The following UBP1 variants were observed in gnomAD, a reference collection of about 807,000 sequenced individuals.
The protein encoded by UBP1 is upstream-binding protein 1.
Under a neutral mutation model 76.1 loss-of-function variants are expected in UBP1, and 22 were observed. The observed-to-expected ratio is 0.29, with a 90% confidence interval of 0.21 to 0.41. UBP1 has a LOEUF of 0.41. Ranked by LOEUF, UBP1 falls within the 10% of genes least tolerant of loss-of-function variation. The probability of loss-of-function intolerance (pLI) is 1.00; values close to 1 mark genes in which losing one functional copy is unlikely to be tolerated. For synonymous variants in UBP1, 224 were observed against 237.1 expected, an observed-to-expected ratio of 0.94 and a Z score of 0.51; for missense variants, 436 against 668.1, an observed-to-expected ratio of 0.65 and a Z score of 3.83.
chr3:33,395,175 A>G (rs1339972663), intron 13 of UBP1, among the ~76,000 whole-genome samples: 1 of 152,228 alleles, frequency 6.6e-6, no homozygotes, highest in Non-Finnish European at 1.5e-5. Flanking sequence ...CTCAAAATTC[A>G]GAGCTTTTGA....
At chr3:33,423,602 T>C (rs1183975586) in intron 2 of UBP1, among the ~76,000 whole-genome samples, 1 of 152,152 alleles carries the variant, frequency 6.6e-6, no homozygotes, top group Admixed American at 6.5e-5. Flanking sequence ...CTGGAAAAGA[T>C]GGAAATAGGT....
chr3:33,425,996 AATATATAT>A (rs60739079), intron 1 of UBP1, among the ~76,000 whole-genome samples: 1,935 of 54,972 alleles, frequency 0.035, 40 homozygotes, highest in African/African-American at 0.081. Flanking sequence ...GGCAGCTCTG[AATATATAT>A]ATATATATAT....
chr3:33,440,639 T>C (rs1010652882), upstream of UBP1: 1 of 152,318 alleles, frequency 6.6e-6, no homozygotes, highest in Non-Finnish European at 1.5e-5. Flanking sequence ...CCGCCCCTTC[T>C]AGCGAGCGAG....
intron 1 of UBP1, among the ~76,000 whole-genome samples, chr3:33,431,888 G>A (rs1207624212): frequency 6.6e-6 from 1 of 152,098 alleles, no homozygotes; most frequent in East Asian, 1.9e-4. Context: ...GGAAATGGAT[G>A]AGAATGTTAT....
chr3:33,426,074 C>A (rs2045013251), intron 1 of UBP1, among the ~76,000 whole-genome samples: 1 of 131,104 alleles, frequency 7.6e-6, no homozygotes. Context: ...CTTTAAGGTC[C>A]AGATTCTTTC....
At chr3:33,410,653 T>C (rs1307988592) in intron 5 of UBP1, among the ~76,000 whole-genome samples, 3 of 152,224 alleles carry the variant, frequency 2.0e-5, no homozygotes, top group South Asian at 2.1e-4. Context: ...AATTTGAACA[T>C]TGTGGGTATT....
Position 33,396,257 on chromosome 3 carries a change from A to G in UBP1, c.1295T>C (p.Ile432Thr). ...GCTTGGCTGCTCCCGGCAGACATAG[A>G]TGGTTAAACGGGGTCTAACCGACCT... ...KSRSVRPRLT[I>T]YVCREQPSST... The change falls in exon 13 of 16, where the codon ATC becomes ACC. Residue 432 changes from isoleucine (I) to threonine (T), a missense_variant. This residue lies in a region of UBP1 where 210 missense variants were observed against 272.8 expected (regional missense o/e 0.77). Coordinates refer to ENST00000283629, the MANE Select transcript of UBP1 (RefSeq NM_014517.5). The G allele has an allele frequency of 6.3e-7, 1 of 1,586,296 alleles. No individual in the cohort carries two copies. The highest frequency in any genetic ancestry group is 8.6e-7 in the Non-Finnish European group (1 of 1,157,772).
chr3:33,406,523 T>C (rs1208870485), intron 8 of UBP1, among the ~76,000 whole-genome samples: 1 of 152,232 alleles, frequency 6.6e-6, no homozygotes, highest in African/African-American at 2.4e-5. Flanking sequence ...TCTAAACTTT[T>C]TGTAATTATT....
In UBP1 at chr3:33,409,571, G is replaced by A; in HGVS notation, c.586C>T (p.Arg196Trp). 2.5e-6 allele frequency: 4 copies of A among 1,614,188 alleles called. No homozygotes were observed. Among genetic ancestry groups the A allele is most frequent in the Non-Finnish European group, 3.4e-6 (4 of 1,180,028 alleles). ...VHCISTEFTP[R>W]KHGGEKGVPF... ...ACTCCCTTTTCACCTCCGTGCTTCCGTGGAGTAAATTCTGTGCTGATGCAG... is the reference window on the plus strand; with the variant it reads ...ACTCCCTTTTCACCTCCGTGCTTCCATGGAGTAAATTCTGTGCTGATGCAG... Residue 196 changes from arginine (R) to tryptophan (W), a missense_variant, in exon 6 of 16, where the codon CGG (arginine) becomes TGG (tryptophan). Physicochemically the swap from Arg to Trp is moderately radical, Grantham distance 101. Around this residue, in one of 3 missense-constraint regions of UBP1, gnomAD observed 65 missense variants for 157.4 expected, o/e 0.41. Transcript: ENST00000283629.
In UBP1 at chr3:33,439,999, G is replaced by C. The variant is rs2045266377; in HGVS notation, c.-151C>G. ...CAGCGGCGGCCGGGACGAGAGCTGCGGGGGCCCCACTGGCAGGGCACGACG... is the reference window on the plus strand; with the variant it reads ...CAGCGGCGGCCGGGACGAGAGCTGCCGGGGCCCCACTGGCAGGGCACGACG... On this transcript the variant is annotated 5_prime_UTR_variant, in exon 1 of 16. Coordinates refer to ENST00000283629, the MANE Select transcript of UBP1 (RefSeq NM_014517.5). 5 of 753,466 alleles carry C rather than the reference G, an allele frequency of 6.6e-6. No individual in the cohort carries two copies. Among genetic ancestry groups the C allele is most frequent in the South Asian group, 4.1e-5 (2 of 49,224 alleles). The allele number at this position is 753,466 out of a possible 1,614,324, so 46.7% of individuals were successfully genotyped here. A position where few individuals can be genotyped will look rare whatever the true frequency, so the allele number is the denominator to read the frequency against.
At chr3:33,412,016 G>A (rs1192818185) in intron 4 of UBP1, among the ~76,000 whole-genome samples, 4 of 151,874 alleles carry the variant, frequency 2.6e-5, no homozygotes, top group East Asian at 1.9e-4. Context: ...GTGAAACCCC[G>A]TCTCTACTAA....
intron 3 of UBP1, among the ~76,000 whole-genome samples, chr3:33,414,382 T>G (rs1322748069): frequency 6.6e-6 from 1 of 152,040 alleles, no homozygotes; most frequent in African/African-American, 2.4e-5. Flanking sequence ...GACTGCATTT[T>G]CAGAACTAGC....
chr3:33,393,262 T>C, intron 14 of UBP1, 50 bp downstream of exon 14: 2 of 1,534,248 alleles, frequency 1.3e-6, no homozygotes, highest in Non-Finnish European at 1.8e-6. Flanking sequence ...CAATTACATG[T>C]ATAAAAGTAA....
intron 12 of UBP1, 74 bp from the exon 13 acceptor site, chr3:33,396,354 A>C (rs1331825538): frequency 9.1e-7 from 1 of 1,096,742 alleles, no homozygotes; most frequent in Non-Finnish European, 1.3e-6. Context: ...TGACAACTAC[A>C]GGAATCTAAG....
At chr3:33,401,103 CTA>C (rs2044211623) in intron 9 of UBP1, 87 bp from the exon 10 acceptor site, 9 of 1,298,552 alleles carry the variant, frequency 6.9e-6, no homozygotes, top group South Asian at 1.5e-5. Flanking sequence ...TGCATTGTAA[CTA>C]TGCAAATTTC....
At chr3:33,406,148 C>T (rs1190576436) in intron 8 of UBP1, among the ~76,000 whole-genome samples, 1 of 152,168 alleles carries the variant, frequency 6.6e-6, no homozygotes, top group Non-Finnish European at 1.5e-5. Context: ...TGATGGCACA[C>T]ACACACCTGT....
At chr3:33,415,854 T>C (rs1182891929) in intron 3 of UBP1, among the ~76,000 whole-genome samples, 1 of 152,182 alleles carries the variant, frequency 6.6e-6, no homozygotes. Context: ...AAAGCACCTT[T>C]GGTAACCCAT....
At position 33,402,798 on chromosome 3, in the gene UBP1, T is replaced by TA; in HGVS notation, c.1031+2dup. 6.4e-7 allele frequency: 1 copy of TA among 1,555,130 alleles called. No individual in the cohort carries two copies. The highest frequency in any genetic ancestry group is 8.7e-7 in the Non-Finnish European group (1 of 1,154,682). ...CAGGCACACGATCACACAAACTAGA[T>TA]ACCTGTCTGGGACACTGCAAGTGCT... On this transcript the variant is annotated splice_region_variant and intron_variant, in intron 9 of 15. Transcript: ENST00000283629.
chr3:33,439,552 G>A (rs970732107), intron 1 of UBP1, among the ~76,000 whole-genome samples, 184 bp downstream of exon 1: 1 of 152,212 alleles, frequency 6.6e-6, no homozygotes, highest in African/African-American at 2.4e-5. Context: ...CCACCCGCCC[G>A]TCACCAGGGC....
Sources: allele counts gnomAD v4.1 joint callset (sites outside exome capture counted in the v4.1 genomes callset), GRCh38; gene constraint gnomAD v4.1.1; regional missense constraint gnomAD v4.1.1; transcripts MANE v1.5; gene names NCBI Gene and HGNC (gene_info 2026-07-23, HGNC 2026-07-21).